GLB1: variants seen among roughly 807,000 people sequenced by gnomAD.
GLB1 encodes beta-galactosidase.
In GLB1, 56 loss-of-function variants were observed where a neutral mutation model predicts 74.0. That is an observed-to-expected ratio of 0.76 (90% CI 0.61 to 0.94). The LOEUF (loss-of-function observed/expected upper bound fraction) is 0.94, where lower values mean the gene tolerates loss of function less well. GLB1 is among the 40% of genes least tolerant of loss of function. The pLI, the probability that GLB1 is intolerant of heterozygous loss-of-function variation, is 0.00. For synonymous variants in GLB1, 323 were observed against 323.6 expected (o/e 1.00, Z 0.02); for missense variants, 787 against 845.5 (o/e 0.93, Z 0.86).
chr3:33,044,401 C>A (rs1308711371), intron 10 of GLB1, among the ~76,000 whole-genome samples: 1 of 151,776 alleles, frequency 6.6e-6, no homozygotes, highest in East Asian at 1.9e-4. Flanking sequence ...AAAGCCACAG[C>A]AGTACTTGAA....
chr3:33,072,598 T>G lies in GLB1; in HGVS notation c.191A>C (p.Tyr64Ser). ...CATCTTCAGCAGCCGGTCCTTCCAG[T>G]AGAAGCGGGGCACACGGGAGTAGTG... ...SIHYSRVPRF[Y>S]WKDRLLKMKM... is the part of the protein sequence containing the mutation. The change falls in exon 2 of 16, where the codon TAC becomes TCC. Residue 64 changes from tyrosine (Y) to serine (S), a missense_variant. By Grantham distance (144) the Tyr-to-Ser change is moderately radical. Transcript: ENST00000307363. 2 of 1,614,066 alleles carry G rather than the reference T, an allele frequency of 1.2e-6. No individual in the cohort carries two copies. Among genetic ancestry groups the G allele is most frequent in the Non-Finnish European group, 1.7e-6 (2 of 1,180,040 alleles).
chr3:33,017,089 T>G (rs1697264618), intron 13 of GLB1, among the ~76,000 whole-genome samples: 1 of 152,172 alleles, frequency 6.6e-6, no homozygotes, highest in African/African-American at 2.4e-5. Context: ...CTGGTTTCCT[T>G]TGCCCTGGAA....
intron 1 of GLB1, among the ~76,000 whole-genome samples, chr3:33,082,599 G>A (rs952529997): frequency 6.6e-6 from 1 of 152,180 alleles, no homozygotes; most frequent in African/African-American, 2.4e-5. Flanking sequence ...TACCATGTAG[G>A]TATGGGATTA....
chr3:33,094,093 G>A, intron 1 of GLB1: 1 of 1,614,256 alleles, frequency 6.2e-7, no homozygotes, highest in Non-Finnish European at 8.5e-7. Flanking sequence ...CTGAGCTCAA[G>A]GCTCTCTGCC....
downstream of GLB1, among the ~76,000 whole-genome samples, chr3:32,996,090 G>A (rs1696305507): frequency 1.3e-5 from 2 of 152,164 alleles, no homozygotes; most frequent in African/African-American, 2.4e-5. Flanking sequence ...TGTGAGATCT[G>A]GTAAACCGGC....
At chr3:32,990,745 G>A in the GLB1 span, among the ~76,000 whole-genome samples, 2 of 152,212 alleles carry the variant, frequency 1.3e-5, no homozygotes, top group East Asian at 1.9e-4. Context: ...AGGCCGAGGC[G>A]GGCAGATCAC....
intron 2 of GLB1, among the ~76,000 whole-genome samples, chr3:33,071,112 A>G (rs931312416): frequency 6.6e-6 from 1 of 152,114 alleles, no homozygotes; most frequent in Non-Finnish European, 1.5e-5. Flanking sequence ...TTAAATATGG[A>G]GCCATCCATT....
In GLB1 at chr3:33,065,473, A is replaced by T; in HGVS notation, c.542T>A (p.Ile181Lys). The part of the protein sequence containing the change: ...PLLYQNGGPV[I>K]TVQVENEYGS... ...CAACTCCAGGGTTACCTGCACTGTT[A>T]TAACTGGCCCTCCATTCTGATAGAG... Residue 181 changes from isoleucine (I) to lysine (K), a missense_variant, in exon 5 of 16, where the codon ATA becomes AAA. Physicochemically the swap from Ile to Lys is moderately radical, Grantham distance 102. Coordinates refer to ENST00000307363, the MANE Select transcript of GLB1 (RefSeq NM_000404.4). 6.3e-7 allele frequency: 1 copy of T among 1,581,488 alleles called. No individual in the cohort carries two copies. The highest frequency in any genetic ancestry group is 8.6e-7 in the Non-Finnish European group (1 of 1,160,432).
At chr3:33,013,525 A>G (rs1236704294) in intron 15 of GLB1, among the ~76,000 whole-genome samples, 2 of 152,130 alleles carry the variant, frequency 1.3e-5, no homozygotes, top group Non-Finnish European at 2.9e-5. Flanking sequence ...GAGGGAGAGG[A>G]GAAGGCGGTG....
chr3:33,096,367 C>G, intron 1 of GLB1: 1 of 981,906 alleles, frequency 1.0e-6, no homozygotes, highest in Non-Finnish European at 1.2e-6. Context: ...CTGCCCCGAT[C>G]AACGATGGCA....
chr3:33,017,798 A>AAGG (rs1231685046), intron 13 of GLB1, among the ~76,000 whole-genome samples: 1 of 152,194 alleles, frequency 6.6e-6, no homozygotes, highest in Admixed American at 6.5e-5. Context: ...CCCCACCCTT[A>AAGG]AGGAGCAAAG....
rs529237359 is a variant in GLB1, at chr3:33,013,446, T to C, written c.1734+610A>G. On this transcript the variant is annotated intron_variant, in intron 15 of 15. Transcript: ENST00000307363. ...GTGCCTGGCACACACCTTGGGCACA[T>C]AGTGGCCACAGAATGAGAAGTGTGT... is the stretch of plus-strand genomic sequence containing the variant. Among the ~76,000 whole-genome samples, 21 of 152,204 alleles carry C rather than the reference T, an allele frequency of 1.4e-4. 1 individual carries two copies. The highest frequency in any genetic ancestry group is 1.0e-3 in the Admixed American group (16 of 15,272).
intron 15 of GLB1, among the ~76,000 whole-genome samples, chr3:33,009,122 AAAAT>A (rs201038052): frequency 0.02 from 2,784 of 137,486 alleles, 84 homozygotes; most frequent in East Asian, 0.12. Context: ...TCCATCTTAA[AAAAT>A]AAATAAATAA....
At chr3:33,077,202 C>T in intron 1 of GLB1, 2 of 1,508,714 alleles carry the variant, frequency 1.3e-6, no homozygotes, top group Non-Finnish European at 1.8e-6. Context: ...TAGGCGCTTG[C>T]CGTGGCAGAT....
In GLB1 at chr3:33,068,229, C is replaced by T. The variant is rs1251299918; in HGVS notation, c.457+1G>A. On this transcript the variant is annotated splice_donor_variant, in intron 4 of 15. Transcript: ENST00000307363. LOFTEE classifies it high-confidence loss of function. ...TTCTCAAGACATCTGTAACAACCTA[C>T]CTGGGTCGGAGGAGCGGAGAAGAAT... is the stretch of plus-strand genomic sequence containing the variant. 3 of 1,613,906 alleles carry T rather than the reference C, an allele frequency of 1.9e-6. No homozygotes were observed. Among genetic ancestry groups the T allele is most frequent in the African/African-American group, 2.7e-5 (2 of 74,936 alleles).
chr3:32,984,117 C>T, the GLB1 span, among the ~76,000 whole-genome samples: 4 of 152,270 alleles, frequency 2.6e-5, no homozygotes, highest in Admixed American at 1.3e-4. Context: ...TAATTAATCA[C>T]CTTAAGTTTA....
chr3:33,005,608 C>T (rs1696754055), intron 15 of GLB1, among the ~76,000 whole-genome samples: 1 of 152,132 alleles, frequency 6.6e-6, no homozygotes, highest in Non-Finnish European at 1.5e-5. Flanking sequence ...GCAATCCTCC[C>T]ATCTCCCACC....
chr3:32,984,661 C>T, the GLB1 span, among the ~76,000 whole-genome samples: 1 of 151,970 alleles, frequency 6.6e-6, no homozygotes, highest in Non-Finnish European at 1.5e-5. Context: ...CGGTGGCTCA[C>T]GCCTGTAATC....
chr3:33,027,289 G>T (rs1697809795), intron 10 of GLB1, among the ~76,000 whole-genome samples: 1 of 152,274 alleles, frequency 6.6e-6, no homozygotes, highest in Admixed American at 6.5e-5. Flanking sequence ...AGCAGCAGCA[G>T]CCAGCGTGTC....
Sources: allele counts gnomAD v4.1 joint callset (sites outside exome capture counted in the v4.1 genomes callset), GRCh38; gene constraint gnomAD v4.1.1; transcripts MANE v1.5; gene names NCBI Gene and HGNC (gene_info 2026-07-23, HGNC 2026-07-21).